MYOCD: variants seen among roughly 807,000 people sequenced by gnomAD.
MYOCD encodes the protein myocardin.
A neutral mutation model predicts 96.1 loss-of-function variants in MYOCD; 32 were observed. The ratio of observed to expected loss-of-function variants is 0.33; its 90% CI spans 0.25 to 0.45. MYOCD has a LOEUF of 0.45. Ranked by LOEUF, MYOCD falls within the 20% of genes least tolerant of loss-of-function variation. The probability of loss-of-function intolerance (pLI) is 1.00; values close to 1 mark genes in which losing one functional copy is unlikely to be tolerated. For synonymous variants in MYOCD, 469 were observed against 469.0 expected (o/e 1.00, Z 0.00); for missense variants, 1,133 against 1,200.6 (o/e 0.94, Z 0.83).
intron 1 of MYOCD, among the ~76,000 whole-genome samples, chr17:12,687,008 G>A (rs1032993897): frequency 1.3e-5 from 2 of 152,152 alleles, no homozygotes; most frequent in African/African-American, 4.8e-5. Context: ...CCCAAGCAGT[G>A]TCTCTTAGGA....
chr17:12,710,484 T>C (rs1340990329), intron 2 of MYOCD: 1 of 984,000 alleles, frequency 1.0e-6, no homozygotes, highest in Non-Finnish European at 1.2e-6. Context: ...CTGCCTTTAT[T>C]TTTTTTGCAG....
chr17:12,757,535 C>T (rs933970367), intron 11 of MYOCD, among the ~76,000 whole-genome samples: 7 of 152,262 alleles, frequency 4.6e-5, no homozygotes, highest in African/African-American at 1.2e-4. Context: ...CTCACTCTGT[C>T]GGCCAGACTG....
chr17:12,701,343 C>T (rs566887536), intron 1 of MYOCD, among the ~76,000 whole-genome samples: 6 of 152,034 alleles, frequency 3.9e-5, no homozygotes, highest in Admixed American at 6.6e-5. Flanking sequence ...ACCTGGGAGT[C>T]GGAGGTTGCA....
rs1052034331 is a variant in MYOCD, at chr17:12,752,393, AC to A, written c.1126-19del. 3.8e-6 allele frequency: 6 copies of A among 1,582,144 alleles called. No individual in the cohort carries two copies. The African/African-American group carries it at 8.1e-5, about 21-fold the overall frequency. On this transcript the variant is annotated intron_variant, in intron 9 of 13. Coordinates refer to ENST00000425538, the MANE Select transcript of MYOCD (RefSeq NM_001146312.3). ...AATATTGTCGTTAAACAGCACACTA[AC>A]CACATTCTGATTTCTTTAGGTCTCT...
At chr17:12,727,435 A>G (rs1040904579) in intron 5 of MYOCD, among the ~76,000 whole-genome samples, 7 of 152,178 alleles carry the variant, frequency 4.6e-5, no homozygotes, top group Admixed American at 3.3e-4. Flanking sequence ...TAGTCCTTCC[A>G]ATGGCGAAGG....
At chr17:12,755,249 G>A (rs1296244262) in intron 10 of MYOCD, among the ~76,000 whole-genome samples, 1 of 152,184 alleles carries the variant, frequency 6.6e-6, no homozygotes, top group East Asian at 1.9e-4. Flanking sequence ...TGATACTGCT[G>A]CTAACGTTGC....
intron 1 of MYOCD, among the ~76,000 whole-genome samples, chr17:12,681,990 G>A (rs1910495435): frequency 6.6e-6 from 1 of 152,206 alleles, no homozygotes; most frequent in Non-Finnish European, 1.5e-5. Flanking sequence ...AGCAAATTGA[G>A]CTCAGGCATT....
intron 1 of MYOCD, among the ~76,000 whole-genome samples, chr17:12,678,127 G>A (rs1028454393): frequency 1.3e-5 from 2 of 151,722 alleles, no homozygotes; most frequent in African/African-American, 4.8e-5. Flanking sequence ...TCCTGACCTC[G>A]TGATTTGCCC....
chr17:12,673,709 A>T (rs566057395), intron 1 of MYOCD, among the ~76,000 whole-genome samples: 2 of 152,350 alleles, frequency 1.3e-5, no homozygotes, highest in Non-Finnish European at 2.9e-5. Flanking sequence ...TTTAGAGTAA[A>T]TGCCTAAGTG....
At chr17:12,676,647 T>G (rs540329083) in intron 1 of MYOCD, among the ~76,000 whole-genome samples, 89 of 152,222 alleles carry the variant, frequency 5.8e-4, no homozygotes, top group African/African-American at 2.0e-3. Context: ...GAGGTTTAAG[T>G]TGTTCTCAAA....
chr17:12,728,868 T>C (rs191352750), intron 5 of MYOCD, among the ~76,000 whole-genome samples: 1 of 152,220 alleles, frequency 6.6e-6, no homozygotes, highest in South Asian at 2.1e-4. Context: ...GACCGTTTCA[T>C]GTAGAAAGCA....
intron 7 of MYOCD, among the ~76,000 whole-genome samples, chr17:12,741,730 AT>A (rs2032518481): frequency 1.3e-5 from 2 of 151,086 alleles, no homozygotes; most frequent in East Asian, 3.9e-4. Flanking sequence ...AAAAAAAAAA[AT>A]TAGCAAAGCC....
At chr17:12,679,061 G>A (rs1910285601) in intron 1 of MYOCD, among the ~76,000 whole-genome samples, 1 of 152,072 alleles carries the variant, frequency 6.6e-6, no homozygotes, top group African/African-American at 2.4e-5. Flanking sequence ...CTCTCGTCTC[G>A]GGGCTTGCAA....
chr17:12,668,075 T>G (rs1375905082), intron 1 of MYOCD, among the ~76,000 whole-genome samples: 3 of 152,240 alleles, frequency 2.0e-5, no homozygotes, highest in Non-Finnish European at 4.4e-5. Context: ...GAATGGAGGT[T>G]ATTCTTTCTG....
At chr17:12,671,849 T>C (rs1909726769) in intron 1 of MYOCD, 1 of 152,202 alleles carries the variant, frequency 6.6e-6, no homozygotes, top group Admixed American at 6.5e-5. Context: ...GAATAGGAGA[T>C]GCTAGAACAG....
At chr17:12,726,745 TACC>T (rs1175743845) in intron 5 of MYOCD, among the ~76,000 whole-genome samples, 1 of 152,224 alleles carries the variant, frequency 6.6e-6, no homozygotes, top group African/African-American at 2.4e-5. Flanking sequence ...AGTTTATGAT[TACC>T]TTTTCATATT....
At chr17:12,757,746 G>A (rs2033053427) in intron 11 of MYOCD, among the ~76,000 whole-genome samples, 1 of 151,992 alleles carries the variant, frequency 6.6e-6, no homozygotes, top group South Asian at 2.1e-4. Context: ...TGCCCACCTC[G>A]GCCTCCCAAA....
At position 12,709,501 on chromosome 17, in the gene MYOCD, A is replaced by T. The variant is rs79323032; in HGVS notation, c.121+4308A>T. 8.9e-3 allele frequency among the ~76,000 whole-genome samples: 1,355 copies of T among 152,368 alleles called. 48 individuals are homozygous for T. In the South Asian group the frequency reaches 0.11, roughly 13 times the overall value. On this transcript the variant is annotated intron_variant, in intron 2 of 13. Coordinates refer to ENST00000425538, the MANE Select transcript of MYOCD (RefSeq NM_001146312.3). Reference sequence around the variant, plus strand: ...GGAACAACTTAAGGGTTCTCAGACCAGGTGCATTTACAATGGCAGTTGTGA... The same window carrying T: ...GGAACAACTTAAGGGTTCTCAGACCTGGTGCATTTACAATGGCAGTTGTGA...
chr17:12,704,043 G>C (rs1276812653), intron 1 of MYOCD, among the ~76,000 whole-genome samples: 1 of 152,042 alleles, frequency 6.6e-6, no homozygotes, highest in African/African-American at 2.4e-5. Context: ...GTTTGCATCT[G>C]TTCATTGTCT....
Sources: gnomAD v4.1 joint callset for allele counts (sites outside exome capture counted in the v4.1 genomes callset) on GRCh38, gnomAD v4.1.1 for gene constraint, MANE v1.5 for transcripts, NCBI Gene and HGNC (gene_info 2026-07-23, HGNC 2026-07-21) for gene names.